Variants in PECR observed in about 807,000 individuals in gnomAD.
The protein encoded by PECR is peroxisomal trans-2-enoyl-CoA reductase, also known as 2,4-dienoyl-CoA reductase-related protein.
PECR carries 30 observed loss-of-function variants against 35.3 expected under a neutral mutation model. The ratio of observed to expected loss-of-function variants is 0.85; its 90% CI spans 0.64 to 1.15. The LOEUF (loss-of-function observed/expected upper bound fraction) is 1.15, where lower values mean the gene tolerates loss of function less well. PECR is among the 50% of genes most tolerant of loss of function. The probability of loss-of-function intolerance (pLI) is 0.00; values close to 1 mark genes in which losing one functional copy is unlikely to be tolerated. For synonymous variants in PECR, 148 were observed against 138.9 expected (o/e 1.07, Z -0.46); for missense variants, 392 against 370.8 (o/e 1.06, Z -0.47).
intron 3 of PECR, among the ~76,000 whole-genome samples, chr2:216,061,689 A>G (rs990430855): frequency 3.3e-5 from 5 of 152,122 alleles, no homozygotes; most frequent in African/African-American, 1.2e-4. Context: ...AAAAGTATGG[A>G]TTTTTTTTAG....
At chr2:216,067,045 C>T (rs1396321277) in intron 1 of PECR, among the ~76,000 whole-genome samples, 1 of 152,112 alleles carries the variant, frequency 6.6e-6, no homozygotes, top group Non-Finnish European at 1.5e-5. Flanking sequence ...TGAAATCAAA[C>T]ATGAGCCCTT....
intron 5 of PECR, 26 bp downstream of exon 5, chr2:216,051,423 A>C (rs756390803): frequency 5.9e-6 from 8 of 1,361,418 alleles, no homozygotes; most frequent in Non-Finnish European, 1.1e-6. Context: ...TTTGTCAATA[A>C]ATTTCAATAT....
chr2:216,046,307 TA>T (rs1327499741), intron 6 of PECR, among the ~76,000 whole-genome samples: 10 of 117,766 alleles, frequency 8.5e-5, no homozygotes, highest in South Asian at 7.5e-4. Flanking sequence ...TATATATATA[TA>T]TATTTTTTTT....
downstream of PECR, among the ~76,000 whole-genome samples, chr2:216,034,453 TG>T: frequency 6.6e-6 from 1 of 152,156 alleles, no homozygotes; most frequent in Non-Finnish European, 1.5e-5. Flanking sequence ...GACTTTGCCT[TG>T]AGGACTTCCC....
At chr2:216,060,095 GTC>G (rs1206743624) in intron 3 of PECR, among the ~76,000 whole-genome samples, 1 of 152,082 alleles carries the variant, frequency 6.6e-6, no homozygotes, top group Non-Finnish European at 1.5e-5. Context: ...TGGCATACAA[GTC>G]TTACACTTTT....
chr2:216,041,005 G>A (rs10180583), intron 7 of PECR, among the ~76,000 whole-genome samples: 20,782 of 152,042 alleles, frequency 0.14, 1,747 homozygotes, highest in South Asian at 0.23. Flanking sequence ...ACAATCATAC[G>A]GCTAATAAGG....
intron 4 of PECR, among the ~76,000 whole-genome samples, chr2:216,054,098 A>AGC (rs1205218744): frequency 6.6e-6 from 1 of 151,990 alleles, no homozygotes; most frequent in Admixed American, 6.5e-5. Flanking sequence ...CAGCCTGGCC[A>AGC]ACATGGTGAA....
At chr2:216,076,537 C>T (rs534204843) in intron 1 of PECR, among the ~76,000 whole-genome samples, 5 of 152,304 alleles carry the variant, frequency 3.3e-5, no homozygotes, top group African/African-American at 7.2e-5. Context: ...CAGTGGCTCA[C>T]GCCTGTAATT....
chr2:216,070,332 CG>C (rs968556241), intron 1 of PECR, among the ~76,000 whole-genome samples: 1 of 152,158 alleles, frequency 6.6e-6, no homozygotes, highest in Non-Finnish European at 1.5e-5. Flanking sequence ...CCACTATTCT[CG>C]GAATTTTGAA....
intron 1 of PECR, among the ~76,000 whole-genome samples, chr2:216,075,704 G>GT: frequency 6.6e-6 from 1 of 152,280 alleles, no homozygotes; most frequent in East Asian, 1.9e-4. Context: ...TGTAGCCCCA[G>GT]TATGCTGCGT....
At chr2:216,037,597 T>C (rs189622808), downstream of PECR, among the ~76,000 whole-genome samples, 61 of 152,220 alleles carry the variant, frequency 4.0e-4, no homozygotes, top group East Asian at 5.2e-3. Context: ...GAGCACAAAA[T>C]TGAAGGACAC....
chr2:216,080,860 T>C (rs1448492091), intron 1 of PECR, among the ~76,000 whole-genome samples: 2 of 152,200 alleles, frequency 1.3e-5, no homozygotes, highest in African/African-American at 4.8e-5. Flanking sequence ...TCTTTATGTA[T>C]AAGGCTGTTG....
At position 216,063,225 on chromosome 2, in the gene PECR, G is replaced by A. The variant is rs140616880; in HGVS notation, c.424+2087C>T. Among the ~76,000 whole-genome samples the A allele has an allele frequency of 5.5e-3, 829 of 152,036 alleles. 9 individuals carry two copies. Among genetic ancestry groups the A allele is most frequent in the African/African-American group, 0.019 (785 of 41,460 alleles). Reference sequence around the variant, plus strand: ...TTTTATGTCAATATTTTTAAGGGCCGCATAGTTCTTTATCATATAGATGTA... The same window carrying A: ...TTTTATGTCAATATTTTTAAGGGCCACATAGTTCTTTATCATATAGATGTA... On this transcript the variant is annotated intron_variant, in intron 3 of 7. Transcript: ENST00000265322.
At chr2:216,058,496 G>A (rs1695273792) in intron 4 of PECR, among the ~76,000 whole-genome samples, 1 of 152,094 alleles carries the variant, frequency 6.6e-6, no homozygotes, top group Admixed American at 6.5e-5. Flanking sequence ...GTAAAATCAA[G>A]TAGCTATATT....
intron 3 of PECR, among the ~76,000 whole-genome samples, chr2:216,060,583 AC>A (rs1218545031): frequency 2.0e-5 from 3 of 151,924 alleles, no homozygotes; most frequent in Admixed American, 2.0e-4. Flanking sequence ...GGATTGCTTG[AC>A]CCCAGGAGTT....
At chr2:216,046,297 TA>T (rs1694989375) in intron 6 of PECR, among the ~76,000 whole-genome samples, 3 of 111,434 alleles carry the variant, frequency 2.7e-5, no homozygotes, top group African/African-American at 1.3e-4. Flanking sequence ...TACATACATA[TA>T]TATATATATA....
intron 1 of PECR, among the ~76,000 whole-genome samples, chr2:216,074,188 T>C (rs1247442827): frequency 1.3e-5 from 2 of 152,200 alleles, no homozygotes; most frequent in Non-Finnish European, 2.9e-5. Context: ...CTCATGCCTG[T>C]AATCCCAACA....
intron 4 of PECR, among the ~76,000 whole-genome samples, chr2:216,054,599 G>A (rs1296545519): frequency 1.3e-5 from 2 of 151,628 alleles, no homozygotes; most frequent in Non-Finnish European, 2.9e-5. Context: ...GCCTCCCAAA[G>A]TGCTGGGATT....
chr2:216,048,843 C>CAAAAAA (rs59623283), intron 6 of PECR, among the ~76,000 whole-genome samples: 13 of 74,032 alleles, frequency 1.8e-4, no homozygotes, highest in African/African-American at 2.5e-4. Flanking sequence ...CTGTCTCAAG[C>CAAAAAA]AAAAAAAAAA....
Sources: allele counts gnomAD v4.1 joint callset (sites outside exome capture counted in the v4.1 genomes callset), GRCh38; gene constraint gnomAD v4.1.1; transcripts MANE v1.5; gene names NCBI Gene and HGNC (gene_info 2026-07-23, HGNC 2026-07-21).